GATAD2B: variants seen among roughly 807,000 people sequenced by gnomAD.
GATAD2B encodes transcriptional repressor p66-beta.
A neutral mutation model predicts 64.3 loss-of-function variants in GATAD2B; 8 were observed. The ratio of observed to expected loss-of-function variants is 0.12; its 90% CI spans 0.07 to 0.22. The LOEUF (loss-of-function observed/expected upper bound fraction) is 0.22, where lower values mean the gene tolerates loss of function less well. Ranked by LOEUF, GATAD2B falls within the 10% of genes least tolerant of loss-of-function variation. The pLI is 1.00. For synonymous variants in GATAD2B, 281 were observed against 271.3 expected, an observed-to-expected ratio of 1.04 and a Z score of -0.35; for missense variants, 453 against 752.0, an observed-to-expected ratio of 0.60 and a Z score of 4.65.
intron 2 of GATAD2B, among the ~76,000 whole-genome samples, chr1:153,824,964 T>C (rs990166817): frequency 4.6e-5 from 7 of 152,062 alleles, no homozygotes; most frequent in African/African-American, 1.7e-4. Context: ...CACACGCCTA[T>C]AGTCCCAGCT....
intron 1 of GATAD2B, among the ~76,000 whole-genome samples, chr1:153,864,283 T>G (rs557416235): frequency 1.3e-5 from 2 of 152,256 alleles, no homozygotes; most frequent in South Asian, 4.1e-4. Context: ...AGGAGAAGGA[T>G]TAACATCTGA....
chr1:153,883,793 T>A (rs1677078222), intron 1 of GATAD2B, among the ~76,000 whole-genome samples: 1 of 152,170 alleles, frequency 6.6e-6, no homozygotes, highest in African/African-American at 2.4e-5. Flanking sequence ...TGCCATGAGT[T>A]AAATCTTCAA....
intron 1 of GATAD2B, among the ~76,000 whole-genome samples, chr1:153,854,020 G>T (rs1217116544): frequency 6.6e-6 from 1 of 152,124 alleles, no homozygotes; most frequent in Non-Finnish European, 1.5e-5. Flanking sequence ...CCTTTCTCTT[G>T]AGTATGAACC....
intron 1 of GATAD2B, among the ~76,000 whole-genome samples, chr1:153,916,762 G>T (rs1215178934): frequency 6.6e-6 from 1 of 152,080 alleles, no homozygotes; most frequent in Admixed American, 6.6e-5. Context: ...CATGAGATTA[G>T]TATGACAGGT....
chr1:153,873,286 T>C (rs1676725069), intron 1 of GATAD2B, among the ~76,000 whole-genome samples: 2 of 152,184 alleles, frequency 1.3e-5, no homozygotes, highest in South Asian at 4.1e-4. Flanking sequence ...CCAAGTTTAA[T>C]GCAAACTACT....
intron 1 of GATAD2B, among the ~76,000 whole-genome samples, chr1:153,856,285 G>A (rs1676079564): frequency 6.6e-6 from 1 of 152,134 alleles, no homozygotes; most frequent in Admixed American, 6.6e-5. Flanking sequence ...ACAGGTTATG[G>A]GGGCTGGAGT....
intron 1 of GATAD2B, among the ~76,000 whole-genome samples, chr1:153,859,679 TAA>T (rs1676209459): frequency 8.7e-6 from 1 of 114,448 alleles, no homozygotes; most frequent in Admixed American, 9.3e-5. Flanking sequence ...CAAAAAAAAA[TAA>T]TAAAAAAAAA....
chr1:153,859,754 T>G (rs1234638160), intron 1 of GATAD2B, among the ~76,000 whole-genome samples: 1 of 151,978 alleles, frequency 6.6e-6, no homozygotes, highest in Non-Finnish European at 1.5e-5. Context: ...GTATAGAACA[T>G]GTCCCAGTTT....
rs943968545 is a variant in GATAD2B at position 153,806,114 on chromosome 1, G to A, written c.*4063C>T. On this transcript the variant is annotated 3_prime_UTR_variant, in exon 11 of 11. Transcript: ENST00000368655. ...CTTGACACTGAATTTTGTTATATAG[G>A]TATATTGTATATATGCTGATGCAAT... 2.6e-5 allele frequency: 4 copies of A among 152,114 alleles called. No individual in the cohort carries two copies. Among genetic ancestry groups the A allele is most frequent in the African/African-American group, 7.2e-5 (3 of 41,396 alleles). 9.4% of individuals were successfully genotyped at this position (152,114 alleles called of 1,614,324 possible).
In GATAD2B at chr1:153,809,094, T is replaced by C. The variant is rs577546252; in HGVS notation, c.*1083A>G. 6.6e-6 allele frequency: 1 copy of C among 152,342 alleles called. No individual in the cohort carries two copies. The highest frequency in any genetic ancestry group is 1.9e-4 in the East Asian group (1 of 5,186). 9.4% of individuals were successfully genotyped at this position (152,342 alleles called of 1,614,324 possible). ...TTCGTCTAAGTCTATTTCCTCCTGTTGTCACTTGACTCATTTATGTCCACC... is the reference window on the plus strand; with the variant it reads ...TTCGTCTAAGTCTATTTCCTCCTGTCGTCACTTGACTCATTTATGTCCACC... On this transcript the variant is annotated 3_prime_UTR_variant, in exon 11 of 11. Transcript: ENST00000368655.
chr1:153,813,990 C>A (rs1190363922), intron 7 of GATAD2B, among the ~76,000 whole-genome samples: 1 of 152,140 alleles, frequency 6.6e-6, no homozygotes, highest in African/African-American at 2.4e-5. Flanking sequence ...ACAACAACAA[C>A]AACAACAAAG....
At chr1:153,825,127 A>G (rs1301515737) in intron 2 of GATAD2B, among the ~76,000 whole-genome samples, 3 of 152,114 alleles carry the variant, frequency 2.0e-5, no homozygotes, top group African/African-American at 4.8e-5. Context: ...AATGCATTTA[A>G]AAGTTCCAAT....
intron 2 of GATAD2B, among the ~76,000 whole-genome samples, chr1:153,820,822 G>A (rs1015187730): frequency 6.6e-6 from 1 of 151,896 alleles, no homozygotes; most frequent in Non-Finnish European, 1.5e-5. Flanking sequence ...TAGAGACAGG[G>A]TCTTACTATG....
intron 1 of GATAD2B, chr1:153,852,081 C>T (rs1181351489): frequency 1.6e-5 from 9 of 556,214 alleles, no homozygotes; most frequent in Admixed American, 8.0e-5. Flanking sequence ...GCATCATTCA[C>T]TGGTGACAGG....
intron 1 of GATAD2B, among the ~76,000 whole-genome samples, chr1:153,867,139 G>C (rs1345040338): frequency 3.3e-5 from 5 of 152,082 alleles, no homozygotes; most frequent in African/African-American, 1.2e-4. Flanking sequence ...GAATGGAAAA[G>C]GGTATGGACA....
intron 1 of GATAD2B, among the ~76,000 whole-genome samples, chr1:153,854,174 G>A (rs775820596): frequency 2.6e-5 from 4 of 152,120 alleles, no homozygotes; most frequent in Admixed American, 1.3e-4. Context: ...AGGCTGAAAC[G>A]GGCGGATCGT....
In GATAD2B at chr1:153,810,099, C is replaced by A; in HGVS notation, c.*78G>T. Reference sequence around the variant, plus strand: ...ATGGTAGGCACCAGTACAGGCACTGCATGCGACAGAAGTTGGGGGAATGAA... The same window carrying A: ...ATGGTAGGCACCAGTACAGGCACTGAATGCGACAGAAGTTGGGGGAATGAA... On this transcript the variant is annotated 3_prime_UTR_variant, in exon 11 of 11. Coordinates refer to ENST00000368655, the MANE Select transcript of GATAD2B (RefSeq NM_020699.4). 7.1e-7 allele frequency: 1 copy of A among 1,399,644 alleles called. No individual in the cohort carries two copies. The allele number at this position is 1,399,644 out of a possible 1,614,324, so 86.7% of individuals were successfully genotyped here. A position where few individuals can be genotyped will look rare whatever the true frequency, so the allele number is the denominator to read the frequency against.
intron 1 of GATAD2B, among the ~76,000 whole-genome samples, chr1:153,859,398 G>A (rs1676194923): frequency 6.6e-6 from 1 of 150,858 alleles, no homozygotes; most frequent in Admixed American, 6.6e-5. Flanking sequence ...GGCGAGGCGA[G>A]GCGGCTCATG....
chr1:153,840,109 T>A (rs1322943202), intron 1 of GATAD2B, among the ~76,000 whole-genome samples: 1 of 133,406 alleles, frequency 7.5e-6, no homozygotes, highest in East Asian at 2.7e-4. Context: ...CTTGTCTCAC[T>A]GCTACCTCCG....
Sources: gnomAD v4.1 joint callset for allele counts (sites outside exome capture counted in the v4.1 genomes callset) on GRCh38, gnomAD v4.1.1 for gene constraint, MANE v1.5 for transcripts, NCBI Gene and HGNC (gene_info 2026-07-23, HGNC 2026-07-21) for gene names.